Variants in SLC24A4 observed in about 807,000 individuals in gnomAD.
SLC24A4 encodes sodium/potassium/calcium exchanger 4.
Under a neutral mutation model 79.0 loss-of-function variants are expected in SLC24A4, and 53 were observed. The observed-to-expected ratio is 0.67, with a 90% CI of 0.54 to 0.84. The LOEUF is 0.84. Among genes scored for constraint, SLC24A4 ranks in the 40% least tolerant of loss-of-function variants. The probability of loss-of-function intolerance (pLI) is 0.00; values close to 1 mark genes in which losing one functional copy is unlikely to be tolerated. For synonymous variants in SLC24A4, 323 were observed against 323.8 expected (o/e 1.00, Z 0.03); for missense variants, 731 against 822.0 (o/e 0.89, Z 1.35).
At chr14:92,425,245 G>A (rs1237696409) in intron 2 of SLC24A4, among the ~76,000 whole-genome samples, 2 of 152,210 alleles carry the variant, frequency 1.3e-5, no homozygotes, top group Non-Finnish European at 2.9e-5. Flanking sequence ...CTGGGAGAAA[G>A]TAAATTTCCA....
Position 92,486,646 on chromosome 14 carries a change from C to A in SLC24A4, c.1423-20C>A. ...CACACTGTTGGTTGAGAGTTCATGT[C>A]TCCACCCCACATTCTGCAGGTGACT... On this transcript the variant is annotated intron_variant, in intron 13 of 16. Transcript: ENST00000532405. 1 of 1,524,570 alleles carries A rather than the reference C, an allele frequency of 6.6e-7. No homozygotes were observed. The highest frequency in any genetic ancestry group is 9.1e-7 in the Non-Finnish European group (1 of 1,098,540). The allele number at this position is 1,524,570 out of a possible 1,614,324, so 94.4% of individuals were successfully genotyped here. A position where few individuals can be genotyped will look rare whatever the true frequency, so the allele number is the denominator to read the frequency against.
chr14:92,363,165 G>A (rs1037720367), intron 2 of SLC24A4, among the ~76,000 whole-genome samples: 2 of 152,232 alleles, frequency 1.3e-5, no homozygotes, highest in South Asian at 2.1e-4. Context: ...GACTCAGACC[G>A]ACTGCTTGCT....
intron 2 of SLC24A4, among the ~76,000 whole-genome samples, chr14:92,373,666 AC>A (rs1187965810): frequency 1.3e-5 from 2 of 152,196 alleles, no homozygotes; most frequent in African/African-American, 2.4e-5. Flanking sequence ...AGGACAGGGG[AC>A]GGTGAACCCT....
Position 92,342,230 on chromosome 14 carries a change from G to A in SLC24A4, c.241+16252G>A, listed in dbSNP as rs113943201. Among the ~76,000 whole-genome samples, 1,199 of 151,786 alleles carry A rather than the reference G, an allele frequency of 7.9e-3. 12 individuals carry two copies. The highest frequency in any genetic ancestry group is 0.027 in the Middle Eastern group (8 of 294). On this transcript the variant is annotated intron_variant, in intron 2 of 16. Coordinates refer to ENST00000532405, the MANE Select transcript of SLC24A4 (RefSeq NM_153646.4). ...CCAGTGTGTATTGTAGCTCAGAGCC[G>A]TGCCTCCCCATCTTTTATGTGCACA... is the stretch of plus-strand genomic sequence containing the variant.
At chr14:92,356,102 C>T (rs1038828421) in intron 2 of SLC24A4, among the ~76,000 whole-genome samples, 1 of 152,160 alleles carries the variant, frequency 6.6e-6, no homozygotes, top group Admixed American at 6.5e-5. Flanking sequence ...AGAGAGTCAA[C>T]ATTTTATGAT....
intron 2 of SLC24A4, among the ~76,000 whole-genome samples, chr14:92,378,785 C>A (rs554066680): frequency 6.6e-6 from 1 of 152,168 alleles, no homozygotes; most frequent in East Asian, 1.9e-4. Flanking sequence ...CACGGTGGCA[C>A]GCACCTGTAG....
At position 92,491,727 on chromosome 14, in the gene SLC24A4, C is replaced by G; in HGVS notation, c.1600C>G (p.Leu534Val). 2 of 1,613,980 alleles carry G rather than the reference C, an allele frequency of 1.2e-6. No individual in the cohort carries two copies. The highest frequency in any genetic ancestry group is 1.1e-5 in the South Asian group (1 of 91,066). ...CAACGTGTTTGACATCCTGGTAGGA[C>G]TTGGTGTACCGTGGGGCCTGCAGAC... ...GSNVFDILVG[L>V]GVPWGLQTMV... is the part of the protein sequence containing the mutation. The change falls in exon 15 of 17, where the codon CTT becomes GTT. Residue 534 changes from leucine (L) to valine (V), a missense_variant. Leu to Val is a conservative substitution (Grantham distance 32). Transcript: ENST00000532405.
At chr14:92,438,865 G>T (rs1450891256) in intron 3 of SLC24A4, among the ~76,000 whole-genome samples, 1 of 152,124 alleles carries the variant, frequency 6.6e-6, no homozygotes, top group Non-Finnish European at 1.5e-5. Context: ...CCTGGAGGTT[G>T]GGGGCTGGGG....
chr14:92,478,458 G>C (rs191625837), intron 12 of SLC24A4, among the ~76,000 whole-genome samples: 2 of 152,066 alleles, frequency 1.3e-5, no homozygotes, highest in East Asian at 3.9e-4. Context: ...AAATGCCTGG[G>C]TTTATTTCTG....
rs769596632 is a variant in SLC24A4, at chr14:92,492,252, C to T, written c.1716+12C>T. The T allele has an allele frequency of 1.9e-6, 3 of 1,613,552 alleles. No homozygotes were observed. The highest frequency in any genetic ancestry group is 1.7e-6 in the Non-Finnish European group (2 of 1,179,496). Reference sequence around the variant, plus strand: ...CTGTCGCTCTCACCGTGAGTCTTTACAATTCCAAAACAGATGCCTCATGCA... The same window carrying T: ...CTGTCGCTCTCACCGTGAGTCTTTATAATTCCAAAACAGATGCCTCATGCA... On this transcript the variant is annotated intron_variant, in intron 16 of 16. Transcript: ENST00000532405.
Position 92,447,280 on chromosome 14 carries a change from C to T in SLC24A4, c.684-91C>T, listed in dbSNP as rs979578547. On this transcript the variant is annotated intron_variant, in intron 8 of 16. Transcript: ENST00000532405. ...CTAGGGGCGGGGGAGGTAAAGACAT[C>T]CCGCCCTTCCCCACTTCTGGACCCC... 202 of 1,174,192 alleles carry T rather than the reference C, an allele frequency of 1.7e-4. 2 individuals carry two copies. The highest frequency in any genetic ancestry group is 2.4e-4 in the Middle Eastern group (1 of 4,168). The allele number at this position is 1,174,192 out of a possible 1,614,324, so 72.7% of individuals were successfully genotyped here.
In SLC24A4 at chr14:92,433,989, G is replaced by A. The variant is rs1022392981; in HGVS notation, c.318+1G>A. On this transcript the variant is annotated splice_donor_variant, in intron 3 of 16. Coordinates refer to ENST00000532405, the MANE Select transcript of SLC24A4 (RefSeq NM_153646.4). LOFTEE classifies it high-confidence loss of function. ...AGCCGTCCTGCTGCACATCCTTGGT[G>A]TAAGTCGTCCTCCCAGAGTGGTCAC... is the stretch of plus-strand genomic sequence containing the variant. 30 of 1,613,702 alleles carry A rather than the reference G, an allele frequency of 1.9e-5. No individual in the cohort carries two copies. The highest frequency in any genetic ancestry group is 2.5e-5 in the Non-Finnish European group (29 of 1,179,678).
At chr14:92,371,896 A>AG (rs1221320660) in intron 2 of SLC24A4, among the ~76,000 whole-genome samples, 1 of 152,266 alleles carries the variant, frequency 6.6e-6, no homozygotes, top group Non-Finnish European at 1.5e-5. Context: ...GCACCAAGGC[A>AG]GGGGCCATGG....
intron 12 of SLC24A4, among the ~76,000 whole-genome samples, chr14:92,476,793 A>C (rs1457346290): frequency 6.6e-6 from 1 of 152,154 alleles, no homozygotes; most frequent in Non-Finnish European, 1.5e-5. Flanking sequence ...TATAAATAGA[A>C]TCTATCAATA....
In SLC24A4 at chr14:92,498,175, T is replaced by C. The variant is rs1895996896; in HGVS notation, c.*4547T>C. ...TGAAGCGCTGCGCTTGCTCTCTTTA[T>C]GTGTGTGCACCCGAAGGATTTCCTG... On this transcript the variant is annotated 3_prime_UTR_variant, in exon 17 of 17. Coordinates refer to ENST00000532405, the MANE Select transcript of SLC24A4 (RefSeq NM_153646.4). 6.6e-6 allele frequency: 1 copy of C among 152,314 alleles called. No homozygotes were observed. Among genetic ancestry groups the C allele is most frequent in the South Asian group, 2.1e-4 (1 of 4,834 alleles). The allele number at this position is 152,314 out of a possible 1,614,324, so 9.4% of individuals were successfully genotyped here.
At chr14:92,458,385 G>A (rs1893607960) in intron 12 of SLC24A4, among the ~76,000 whole-genome samples, 1 of 152,168 alleles carries the variant, frequency 6.6e-6, no homozygotes, top group Non-Finnish European at 1.5e-5. Flanking sequence ...CGTCTCAAAC[G>A]CTTCCCTGGC....
At chr14:92,380,160 G>A (rs896781147) in intron 2 of SLC24A4, among the ~76,000 whole-genome samples, 2 of 152,238 alleles carry the variant, frequency 1.3e-5, no homozygotes, top group African/African-American at 4.8e-5. Flanking sequence ...CTCTGCATCC[G>A]AAGGCAGAAC....
Position 92,431,823 on chromosome 14 carries a change from A to G in SLC24A4, c.242-2089A>G, listed in dbSNP as rs1891886914. On this transcript the variant is annotated intron_variant, in intron 2 of 16. Transcript: ENST00000532405. ...TTTCATGATGTGACCAGGTTCGCAC[A>G]AGCTCATGCGTAGTCGAGCTAGGAC... is the stretch of plus-strand genomic sequence containing the variant. 2.0e-5 allele frequency among the ~76,000 whole-genome samples: 3 copies of G among 152,210 alleles called. No individual in the cohort carries two copies. In the South Asian group the frequency reaches 6.2e-4, roughly 32 times the overall value.
intron 2 of SLC24A4, among the ~76,000 whole-genome samples, chr14:92,412,078 G>A (rs954642749): frequency 1.1e-4 from 17 of 152,180 alleles, no homozygotes; most frequent in Non-Finnish European, 2.9e-5. Flanking sequence ...TTCCTCCCCA[G>A]CCAGTCTCCC....
Sources: gnomAD v4.1 joint callset for allele counts (sites outside exome capture counted in the v4.1 genomes callset) on GRCh38, gnomAD v4.1.1 for gene constraint, MANE v1.5 for transcripts, NCBI Gene and HGNC (gene_info 2026-07-23, HGNC 2026-07-21) for gene names.